GRM8: variants seen among roughly 807,000 people sequenced by gnomAD.
GRM8 encodes glutamate metabotropic receptor 8.
GRM8 carries 47 observed loss-of-function variants against 87.2 expected under a neutral mutation model. The ratio of observed to expected loss-of-function variants is 0.54; its 90% CI spans 0.43 to 0.69. The LOEUF (loss-of-function observed/expected upper bound fraction) is 0.69, where lower values mean the gene tolerates loss of function less well. Ranked by LOEUF, GRM8 falls within the 30% of genes least tolerant of loss-of-function variation. The probability of loss-of-function intolerance (pLI) is 0.00; values close to 1 mark genes in which losing one functional copy is unlikely to be tolerated. For synonymous variants in GRM8, 396 were observed against 404.5 expected, an observed-to-expected ratio of 0.98 and a Z score of 0.25; for missense variants, 1,019 against 1,139.2, an observed-to-expected ratio of 0.89 and a Z score of 1.52.
rs144761282 is a variant in GRM8 at position 127,144,638 on chromosome 7, A to G, written c.511-37926T>C. 1.3e-3 allele frequency among the ~76,000 whole-genome samples: 204 copies of G among 152,246 alleles called. 6 individuals carry two copies. The East Asian group carries it at 0.033, about 25-fold the overall frequency. ...AAACAACTATTTCAAATGTTGCTCAAATGAAAAGGTCAAGTATACATCAAT... is the reference window on the plus strand; with the variant it reads ...AAACAACTATTTCAAATGTTGCTCAGATGAAAAGGTCAAGTATACATCAAT... On this transcript the variant is annotated intron_variant, in intron 2 of 10. Coordinates refer to ENST00000339582, the MANE Select transcript of GRM8 (RefSeq NM_000845.3).
intron 7 of GRM8, among the ~76,000 whole-genome samples, chr7:126,744,591 T>C (rs1343353664): frequency 1.3e-5 from 2 of 152,068 alleles, no homozygotes; most frequent in African/African-American, 2.4e-5. Context: ...GATTAAAATA[T>C]CTATTTAAAG....
intron 1 of GRM8, among the ~76,000 whole-genome samples, chr7:127,246,918 G>A (rs915408679): frequency 1.3e-4 from 20 of 152,204 alleles, no homozygotes; most frequent in African/African-American, 4.1e-4. Context: ...CCCTGAGAGC[G>A]TGAGCTGATA....
rs371369598 is a variant in GRM8 at position 126,769,940 on chromosome 7, T to C, written c.1282A>G (p.Ile428Val). 7 of 1,612,684 alleles carry C rather than the reference T, an allele frequency of 4.3e-6. No individual in the cohort carries two copies. The African/African-American group carries it at 6.7e-5, about 15-fold the overall frequency. Reference protein sequence around the residue: ...NMHKDLCPGYIGLCPRMSTID... With the variant: ...NMHKDLCPGYVGLCPRMSTID... ...GTACTCATTCGTGGACAAAGGCCAA[T>C]GTATCCAGGGCAGAGATCTTTGTGC... The change falls in exon 7 of 11, where the codon ATT becomes GTT. Residue 428 changes from isoleucine to valine, a missense_variant. Physicochemically the swap from Ile to Val is conservative, Grantham distance 29. Coordinates refer to ENST00000339582, the MANE Select transcript of GRM8 (RefSeq NM_000845.3).
intron 7 of GRM8, among the ~76,000 whole-genome samples, chr7:126,745,696 T>C (rs10954134): frequency 0.35 from 53,326 of 151,504 alleles, 9,922 homozygotes; most frequent in Middle Eastern, 0.46. Flanking sequence ...CATTCTTTTC[T>C]ATTCTGTTCC....
intron 6 of GRM8, among the ~76,000 whole-genome samples, chr7:126,860,236 T>C (rs1798038380): frequency 6.6e-6 from 1 of 152,192 alleles, no homozygotes; most frequent in Non-Finnish European, 1.5e-5. Flanking sequence ...TTCATTTAAC[T>C]AATGATCTGG....
intron 2 of GRM8, chr7:127,228,912 T>C (rs1174464479): frequency 1.3e-5 from 2 of 152,210 alleles, no homozygotes; most frequent in East Asian, 3.9e-4. Context: ...TCTAAACTTG[T>C]ACCACTTTAC....
intron 6 of GRM8, among the ~76,000 whole-genome samples, chr7:126,888,625 A>T (rs1170781861): frequency 6.6e-6 from 1 of 152,032 alleles, no homozygotes; most frequent in African/African-American, 2.4e-5. Flanking sequence ...TGGTTTGCTG[A>T]ATTGGCATAT....
chr7:126,510,627 A>C (rs959376765), intron 9 of GRM8, among the ~76,000 whole-genome samples: 1 of 7,448 alleles, frequency 1.3e-4, no homozygotes, highest in East Asian at 2.4e-3. Context: ...GCCACGTGGA[A>C]GAGGGTTAGA....
chr7:127,091,392 T>TC (rs1255544262), intron 3 of GRM8, among the ~76,000 whole-genome samples: 28 of 97,950 alleles, frequency 2.9e-4, no homozygotes, highest in Non-Finnish European at 2.0e-5. Context: ...CCACTGGTCA[T>TC]CCCCCCACCA....
At chr7:126,705,590 G>A (rs895523774) in intron 7 of GRM8, among the ~76,000 whole-genome samples, 3 of 152,082 alleles carry the variant, frequency 2.0e-5, no homozygotes, top group Admixed American at 6.5e-5. Context: ...ATGTATGGAC[G>A]TATATGAAAC....
chr7:126,528,614 T>TTGTGTGTGTGTGTG (rs59437677), intron 9 of GRM8, among the ~76,000 whole-genome samples: 2,883 of 149,126 alleles, frequency 0.019, 41 homozygotes, highest in East Asian at 0.058. Context: ...ACAAAAGAAG[T>TTGTGTGTGTGTGTG]TGTGTGTGTG....
At chr7:126,579,440 T>G (rs1284258448) in intron 8 of GRM8, among the ~76,000 whole-genome samples, 1 of 152,218 alleles carries the variant, frequency 6.6e-6, no homozygotes, top group Non-Finnish European at 1.5e-5. Flanking sequence ...ATAGGAACTT[T>G]CGATTCACAT....
At chr7:127,228,049 G>C (rs1797451804) in intron 2 of GRM8, among the ~76,000 whole-genome samples, 1 of 152,174 alleles carries the variant, frequency 6.6e-6, no homozygotes, top group African/African-American at 2.4e-5. Flanking sequence ...ACTTAGAATG[G>C]GGTTAAACTA....
intron 7 of GRM8, among the ~76,000 whole-genome samples, chr7:126,760,474 A>G (rs1284174133): frequency 6.6e-6 from 1 of 152,210 alleles, no homozygotes; most frequent in Non-Finnish European, 1.5e-5. Flanking sequence ...TAGAAAACAG[A>G]GGCAGGTAGA....
chr7:127,026,110 T>C (rs1816751030), intron 3 of GRM8, among the ~76,000 whole-genome samples: 1 of 152,172 alleles, frequency 6.6e-6, no homozygotes, highest in African/African-American at 2.4e-5. Flanking sequence ...TGCTTGGTTT[T>C]CTGTCCTTGT....
At chr7:126,470,403 A>C (rs1287300200) in intron 9 of GRM8, among the ~76,000 whole-genome samples, 2 of 131,528 alleles carry the variant, frequency 1.5e-5, no homozygotes, top group Non-Finnish European at 3.1e-5. Context: ...ATGTGTTCTC[A>C]TTGTTCAATT....
intron 7 of GRM8, among the ~76,000 whole-genome samples, chr7:126,649,934 C>G (rs946794502): frequency 6.6e-6 from 1 of 152,196 alleles, no homozygotes; most frequent in African/African-American, 2.4e-5. Flanking sequence ...GAGCCTTTGG[C>G]AGGCTCCCAC....
chr7:127,129,814 G>A lies in GRM8; in HGVS notation c.511-23102C>T, dbSNP rs369195766. ...AACAATAATTTTCTGAATTTGGACC[G>A]CTGTTGCAGCCAATCAAGATAATTT... On this transcript the variant is annotated intron_variant, in intron 2 of 10. Coordinates refer to ENST00000339582, the MANE Select transcript of GRM8 (RefSeq NM_000845.3). 1.1e-4 allele frequency among the ~76,000 whole-genome samples: 17 copies of A among 152,266 alleles called. No homozygotes were observed. In the East Asian group the frequency reaches 1.7e-3, roughly 16 times the overall value.
chr7:126,481,707 G>A (rs1025672755), intron 9 of GRM8, among the ~76,000 whole-genome samples: 10 of 152,042 alleles, frequency 6.6e-5, no homozygotes, highest in Non-Finnish European at 1.5e-4. Flanking sequence ...GACAACTTAA[G>A]ATAACGTGGG....
Sources: gnomAD v4.1 joint callset for allele counts (sites outside exome capture counted in the v4.1 genomes callset) on GRCh38, gnomAD v4.1.1 for gene constraint, MANE v1.5 for transcripts, NCBI Gene and HGNC (gene_info 2026-07-23, HGNC 2026-07-21) for gene names.